The following UST variants were observed in gnomAD, a reference collection of about 807,000 sequenced individuals.
The protein encoded by UST is uronyl 2-sulfotransferase.
A neutral mutation model predicts 45.6 loss-of-function variants in UST; 21 were observed. The ratio of observed to expected loss-of-function variants is 0.46; its 90% CI spans 0.33 to 0.66. The LOEUF is 0.66. Ranked by LOEUF, UST falls within the 30% of genes least tolerant of loss-of-function variation. The pLI, the probability that UST is intolerant of heterozygous loss-of-function variation, is 0.02. For missense variants in UST, 463 were observed against 512.4 expected (o/e 0.90, Z 0.93); for synonymous variants, 215 against 200.6 (o/e 1.07, Z -0.61).
At chr6:148,896,690 A>G (rs1037663400) in intron 2 of UST, among the ~76,000 whole-genome samples, 1 of 152,204 alleles carries the variant, frequency 6.6e-6, no homozygotes, top group Non-Finnish European at 1.5e-5. Context: ...CTAATAAAAT[A>G]TATATCCAGT....
chr6:148,807,245 C>G (rs1222752579), intron 1 of UST, among the ~76,000 whole-genome samples: 1 of 152,134 alleles, frequency 6.6e-6, no homozygotes, highest in Non-Finnish European at 1.5e-5. Context: ...ATTGGATAGA[C>G]AACTGGAAAA....
intron 1 of UST, among the ~76,000 whole-genome samples, chr6:148,884,572 G>T (rs1778879128): frequency 6.6e-6 from 1 of 152,150 alleles, no homozygotes; most frequent in African/African-American, 2.4e-5. Context: ...AGAAGGCTGT[G>T]GTGGCTAGTG....
At chr6:149,033,798 C>A (rs1417345656) in intron 7 of UST, among the ~76,000 whole-genome samples, 1 of 152,158 alleles carries the variant, frequency 6.6e-6, no homozygotes, top group Non-Finnish European at 1.5e-5. Flanking sequence ...TACCTCCCTG[C>A]ATTTTTTGCT....
At chr6:148,919,847 A>C (rs1779667740) in intron 2 of UST, among the ~76,000 whole-genome samples, 1 of 152,246 alleles carries the variant, frequency 6.6e-6, no homozygotes, top group Non-Finnish European at 1.5e-5. Flanking sequence ...GTCATCCATT[A>C]AAATGGCTTA....
In UST at chr6:148,997,335, A is replaced by G. The variant is rs1781471404; in HGVS notation, c.682-21804A>G. Among the ~76,000 whole-genome samples, 3 of 152,344 alleles carry G rather than the reference A, an allele frequency of 2.0e-5. 1 individual carries two copies. In the South Asian group the frequency reaches 6.2e-4, roughly 32 times the overall value. On this transcript the variant is annotated intron_variant, in intron 5 of 7. Transcript: ENST00000367463. The stretch of plus-strand genomic sequence containing the variant: ...AGGAAGCAGGACCAATGAAAGGGTC[A>G]GAAATGAGATCTCTAAGCAAACTTA...
At chr6:148,823,630 A>G (rs1406237095) in intron 1 of UST, among the ~76,000 whole-genome samples, 2 of 152,250 alleles carry the variant, frequency 1.3e-5, no homozygotes, top group East Asian at 3.8e-4. Flanking sequence ...TAGTATTGGT[A>G]GCAGTGTACC....
At chr6:148,775,081 G>T (rs1776505478) in intron 1 of UST, among the ~76,000 whole-genome samples, 1 of 152,050 alleles carries the variant, frequency 6.6e-6, no homozygotes, top group African/African-American at 2.4e-5. Context: ...ACTTCATAAT[G>T]ATCTCACCTC....
chr6:149,046,561 T>A (rs1158546951), intron 7 of UST, among the ~76,000 whole-genome samples: 5 of 152,246 alleles, frequency 3.3e-5, no homozygotes, highest in African/African-American at 1.2e-4. Context: ...CAGCTCTAAT[T>A]CTTACCAGCT....
chr6:148,885,869 C>T (rs923326837), intron 1 of UST, among the ~76,000 whole-genome samples: 3 of 152,206 alleles, frequency 2.0e-5, no homozygotes, highest in African/African-American at 7.2e-5. Flanking sequence ...TGACCTTATC[C>T]CCCAATCATC....
At chr6:148,760,703 T>C (rs1366448017) in intron 1 of UST, among the ~76,000 whole-genome samples, 1 of 144,372 alleles carries the variant, frequency 6.9e-6, no homozygotes, top group Non-Finnish European at 1.5e-5. Context: ...CCCATAACCA[T>C]AGCAAAACAA....
chr6:148,826,805 G>A (rs1777575920), intron 1 of UST, among the ~76,000 whole-genome samples: 1 of 152,184 alleles, frequency 6.6e-6, no homozygotes, highest in Non-Finnish European at 1.5e-5. Context: ...AGGGCTGCCT[G>A]CATTCCTTGG....
chr6:149,006,855 C>T (rs1452489195), intron 5 of UST, among the ~76,000 whole-genome samples: 1 of 152,142 alleles, frequency 6.6e-6, no homozygotes. Flanking sequence ...AACTGATCTT[C>T]CATTTTGCAT....
intron 4 of UST, among the ~76,000 whole-genome samples, chr6:148,960,964 G>A (rs111450382): frequency 0.042 from 6,398 of 152,090 alleles, 438 homozygotes; most frequent in African/African-American, 0.15. Flanking sequence ...TAATATTATC[G>A]ATGGGTTGAT....
intron 7 of UST, among the ~76,000 whole-genome samples, chr6:149,030,108 A>G (rs141330785): frequency 1.2e-4 from 19 of 152,262 alleles, no homozygotes; most frequent in African/African-American, 4.6e-4. Flanking sequence ...TGAGGAAGAC[A>G]ATTTTTTTTT....
At chr6:149,073,266 C>G (rs552892727) in intron 7 of UST, among the ~76,000 whole-genome samples, 1 of 152,052 alleles carries the variant, frequency 6.6e-6, no homozygotes, top group Non-Finnish European at 1.5e-5. Flanking sequence ...GAGAACCTGT[C>G]TCTACAAAAA....
intron 1 of UST, among the ~76,000 whole-genome samples, chr6:148,842,403 A>T (rs1777907692): frequency 6.6e-6 from 1 of 152,148 alleles, no homozygotes; most frequent in African/African-American, 2.4e-5. Flanking sequence ...TATTTTATTT[A>T]CAAGATCTAG....
At chr6:149,021,271 C>T (rs976889557) in intron 6 of UST, 53 bp from the exon 7 acceptor site, 5 of 1,533,272 alleles carry the variant, frequency 3.3e-6, no homozygotes, top group Non-Finnish European at 4.4e-6. Context: ...CAGCATCTTG[C>T]TGCATTTCAA....
chr6:149,028,628 C>T (rs17081543), intron 7 of UST, among the ~76,000 whole-genome samples: 3,257 of 152,270 alleles, frequency 0.021, 133 homozygotes, highest in African/African-American at 0.075. Flanking sequence ...AATTATATTC[C>T]AGTCAATAGC....
intron 1 of UST, among the ~76,000 whole-genome samples, chr6:148,863,244 AT>A (rs2114803326): frequency 6.6e-6 from 1 of 152,132 alleles, no homozygotes; most frequent in Non-Finnish European, 1.5e-5. Flanking sequence ...CTTTTCATTC[AT>A]TTGATCTTCA....
Sources: gnomAD v4.1 joint callset for allele counts (sites outside exome capture counted in the v4.1 genomes callset) on GRCh38, gnomAD v4.1.1 for gene constraint, MANE v1.5 for transcripts, NCBI Gene and HGNC (gene_info 2026-07-23, HGNC 2026-07-21) for gene names.